The following DMD variants were observed in gnomAD, a reference collection of about 807,000 sequenced individuals.
The protein encoded by DMD is dystrophin.
A neutral mutation model predicts 330.1 loss-of-function variants in DMD; 63 were observed. That is an observed-to-expected ratio of 0.19 (90% CI 0.16 to 0.24). The LOEUF (loss-of-function observed/expected upper bound fraction) is 0.24. DMD is among the 10% of genes least tolerant of loss of function. DMD has a pLI of 1.00. For synonymous variants in DMD, 1,223 were observed against 959.8 expected (o/e 1.27, Z -5.07); for missense variants, 3,344 against 2,684.1 (o/e 1.25, Z -5.43).
At chrX:33,205,723 A>T (rs987144273) in intron 1 of DMD, among the ~76,000 whole-genome samples, 4 of 112,067 alleles carry the variant, frequency 3.6e-5, no homozygotes, top group Non-Finnish European at 5.6e-5. Context: ...TTATTTGCCC[A>T]TAATTGGAAA....
chrX:32,010,212 T>A (rs1032036096), intron 44 of DMD, among the ~76,000 whole-genome samples: 1 of 111,921 alleles, frequency 8.9e-6, no homozygotes, highest in African/African-American at 3.2e-5. Context: ...ATGAAGCACA[T>A]GAATGTACAT....
intron 55 of DMD, among the ~76,000 whole-genome samples, chrX:31,584,961 T>C (rs1448738599): frequency 7.3e-5 from 8 of 109,614 alleles, no homozygotes; most frequent in Non-Finnish European, 1.5e-4. Flanking sequence ...AGTCACACAA[T>C]AGCCAGAATA....
chrX:31,782,436 C>T (rs760807211), intron 50 of DMD, among the ~76,000 whole-genome samples: 5 of 110,907 alleles, frequency 4.5e-5, no homozygotes, highest in East Asian at 2.8e-4. Context: ...TCACCCACAC[C>T]GTCTCAACTT....
chrX:31,594,609 A>G (rs897696753), intron 55 of DMD, among the ~76,000 whole-genome samples: 1 of 111,532 alleles, frequency 9.0e-6, no homozygotes, highest in Admixed American at 9.5e-5. Context: ...CTAATCTGTA[A>G]ATCTTCCAAT....
chrX:31,216,241 G>C (rs2045395761), intron 64 of DMD, among the ~76,000 whole-genome samples: 1 of 112,546 alleles, frequency 8.9e-6, no homozygotes, highest in South Asian at 3.7e-4. Context: ...TGCCAAGGTT[G>C]ATAGCTGGAG....
chrX:32,488,438 CTAA>C (rs1250273817), intron 20 of DMD, among the ~76,000 whole-genome samples: 2 of 111,396 alleles, frequency 1.8e-5, no homozygotes, highest in Non-Finnish European at 3.8e-5. Context: ...AATATGCGCT[CTAA>C]TGTTATAAAA....
intron 48 of DMD, among the ~76,000 whole-genome samples, chrX:31,869,232 CT>C (rs1350614548): frequency 9.0e-6 from 1 of 110,747 alleles, no homozygotes; most frequent in African/African-American, 3.3e-5. Context: ...TTTGCTACCC[CT>C]ATATAAATAA....
chrX:32,749,978 T>A (rs375281170), intron 7 of DMD, among the ~76,000 whole-genome samples: 216 of 112,575 alleles, frequency 1.9e-3, no homozygotes, highest in Middle Eastern at 4.6e-3. Flanking sequence ...AGTTCACTGA[T>A]CTTTTTTGAA....
chrX:32,355,821 T>C (rs1390173975), intron 37 of DMD, among the ~76,000 whole-genome samples: 1 of 111,149 alleles, frequency 9.0e-6, no homozygotes, highest in Non-Finnish European at 1.9e-5. Flanking sequence ...CTACAAATTA[T>C]GCAATATTTA....
chrX:31,868,886 C>G (rs1425970752), intron 48 of DMD, among the ~76,000 whole-genome samples: 2 of 111,720 alleles, frequency 1.8e-5, no homozygotes, highest in Non-Finnish European at 1.9e-5. Flanking sequence ...GATTGACAAA[C>G]AGAAAGCTGT....
chrX:32,394,921 A>AAAAACAAAC (rs2098031542), intron 30 of DMD, among the ~76,000 whole-genome samples: 1 of 63,725 alleles, frequency 1.6e-5, no homozygotes, highest in Non-Finnish European at 3.0e-5. Context: ...AAAAACAAAA[A>AAAAACAAAC]AAAAAAAAAA....
chrX:32,395,446 T>A (rs6527195), intron 30 of DMD, among the ~76,000 whole-genome samples: 2 of 107,086 alleles, frequency 1.9e-5, no homozygotes, highest in Non-Finnish European at 3.9e-5. Context: ...GGGGGAGGGA[T>A]AGCATTAGGA....
At chrX:31,222,565 T>TA (rs2046216334) in intron 64 of DMD, among the ~76,000 whole-genome samples, 1 of 111,213 alleles carries the variant, frequency 9.0e-6, no homozygotes, top group African/African-American at 3.3e-5. Flanking sequence ...AGATGTATGA[T>TA]AAAAAAGGAG....
chrX:32,107,338 A>ATGTGTGTGTGTG (rs34502564), intron 44 of DMD, among the ~76,000 whole-genome samples: 1 of 89,136 alleles, frequency 1.1e-5, no homozygotes, highest in Admixed American at 1.2e-4. Flanking sequence ...ATATAATTAT[A>ATGTGTGTGTGTG]TGTGTGTGTG....
chrX:32,467,534 A>G (rs2040156560), intron 23 of DMD, among the ~76,000 whole-genome samples: 1 of 109,992 alleles, frequency 9.1e-6, no homozygotes, highest in Admixed American at 9.9e-5. Context: ...TATATATTAC[A>G]TATGTAACAT....
At chrX:31,567,173 T>A (rs1042762393) in intron 55 of DMD, among the ~76,000 whole-genome samples, 1 of 111,718 alleles carries the variant, frequency 9.0e-6, no homozygotes, top group African/African-American at 3.2e-5. Context: ...TAGAAATAAT[T>A]TTATTTTATA....
At chrX:33,000,342 A>G (rs1209689947) in intron 2 of DMD, among the ~76,000 whole-genome samples, 1 of 112,165 alleles carries the variant, frequency 8.9e-6, no homozygotes, top group Non-Finnish European at 1.9e-5. Flanking sequence ...TATATCAACT[A>G]TATGTAATTG....
chrX:31,753,643 T>C (rs1357475368), intron 51 of DMD, among the ~76,000 whole-genome samples: 2 of 111,990 alleles, frequency 1.8e-5, no homozygotes, highest in Non-Finnish European at 1.9e-5. Flanking sequence ...ACATGAACCA[T>C]ATATATGCTT....
At chrX:32,166,732 A>G (rs946823860) in intron 44 of DMD, among the ~76,000 whole-genome samples, 2 of 111,692 alleles carry the variant, frequency 1.8e-5, no homozygotes, top group Admixed American at 1.9e-4. Flanking sequence ...AGGTAAAGCT[A>G]GTAGAAGGAA....
Sources: gnomAD v4.1 joint callset for allele counts (sites outside exome capture counted in the v4.1 genomes callset) on GRCh38, gnomAD v4.1.1 for gene constraint, MANE v1.5 for transcripts, NCBI Gene and HGNC (gene_info 2026-07-23, HGNC 2026-07-21) for gene names.